DDX24: variants seen among roughly 807,000 people sequenced by gnomAD.
DDX24 encodes the protein ATP-dependent RNA helicase DDX24.
In DDX24, 24 loss-of-function variants were observed where a neutral mutation model predicts 68.9. The observed-to-expected ratio is 0.35, with a 90% CI of 0.25 to 0.49. DDX24 has a LOEUF of 0.49. Ranked by LOEUF, DDX24 falls within the 20% of genes least tolerant of loss-of-function variation. The probability of loss-of-function intolerance (pLI) is 0.99; values close to 1 mark genes in which losing one functional copy is unlikely to be tolerated. For missense variants in DDX24, 989 were observed against 1,039.0 expected (o/e 0.95, Z 0.66); for synonymous variants, 395 against 385.2 (o/e 1.03, Z -0.30).
intron 2 of DDX24, among the ~76,000 whole-genome samples, chr14:94,077,386 A>G (rs1446894508): frequency 6.6e-6 from 1 of 152,246 alleles, no homozygotes; most frequent in Non-Finnish European, 1.5e-5. Flanking sequence ...ACAACGGCTC[A>G]TATAAACCTT....
At position 94,060,253 on chromosome 14, in the gene DDX24, A is replaced by G; in HGVS notation, c.1758T>C (p.Tyr586=). Residue 586 remains tyrosine (Y), a synonymous_variant, in exon 5 of 9, where the codon TAT becomes TAC. Coordinates refer to ENST00000621632, the MANE Select transcript of DDX24 (RefSeq NM_020414.4). ...TGGCAAACACTAAGCTGCGGCCTGG[A>G]TACTGCATCAGGAAGTAGTACAAGT... ...DFYLYYFLMQ[Y]PGRSLVFANS... The G allele has an allele frequency of 6.2e-7, 1 of 1,614,212 alleles. No individual in the cohort carries two copies. The highest frequency in any genetic ancestry group is 8.5e-7 in the Non-Finnish European group (1 of 1,180,048).
At chr14:94,055,601 C>T (rs1029280149) in intron 6 of DDX24, 4 of 183,354 alleles carry the variant, frequency 2.2e-5, no homozygotes, top group Non-Finnish European at 4.6e-5. Flanking sequence ...CACCATTAAT[C>T]AAGCACAACA....
Position 94,062,432 on chromosome 14 carries a change from A to C in DDX24, c.908T>G (p.Val303Gly), listed in dbSNP as rs1171494004. Residue 303 changes from valine (V) to glycine (G), a missense_variant, in exon 3 of 9, where the codon GTA (valine) becomes GGA (glycine). Physicochemically the swap from Val to Gly is moderately radical, Grantham distance 109. Transcript: ENST00000621632. Reference protein sequence around the residue: ...AESDALPDDTVIESEALPSDI... With the variant: ...AESDALPDDTGIESEALPSDI... ...ACTGGGCAGTGCTTCACTCTCAATT[A>C]CAGTATCGTCAGGCAATGCATCAGA... 2 of 1,614,114 alleles carry C rather than the reference A, an allele frequency of 1.2e-6. No homozygotes were observed. Among genetic ancestry groups the C allele is most frequent in the East Asian group, 2.2e-5 (1 of 44,888 alleles).
Position 94,050,050 on chromosome 14 carries a change from A to G in DDX24, c.*1141T>C, listed in dbSNP as rs1033740061. Reference sequence around the variant, plus strand: ...TCAATTCCCTAGCACCCCTTGAACTAAACAGCTGTATTGTATTGTGCCCCG... The same window carrying G: ...TCAATTCCCTAGCACCCCTTGAACTGAACAGCTGTATTGTATTGTGCCCCG... On this transcript the variant is annotated 3_prime_UTR_variant, in exon 9 of 9. Coordinates refer to ENST00000621632, the MANE Select transcript of DDX24 (RefSeq NM_020414.4). The G allele has an allele frequency of 6.6e-6, 1 of 152,210 alleles. No individual in the cohort carries two copies. Among genetic ancestry groups the G allele is most frequent in the Non-Finnish European group, 1.5e-5 (1 of 68,048 alleles). 9.4% of individuals were successfully genotyped at this position (152,210 alleles called of 1,614,324 possible).
chr14:94,062,807 G>T (rs186946962), intron 2 of DDX24, among the ~76,000 whole-genome samples, 186 bp from the exon 3 acceptor site: 3 of 152,250 alleles, frequency 2.0e-5, no homozygotes, highest in African/African-American at 7.2e-5. Context: ...ATTAGAACCC[G>T]AGGAAAAGTA....
intron 6 of DDX24, chr14:94,056,091 A>G (rs1885486252): frequency 1.3e-5 from 2 of 152,158 alleles, no homozygotes; most frequent in South Asian, 2.1e-4. Context: ...CTGGGACTGT[A>G]TTTGATTCAT....
intron 2 of DDX24, among the ~76,000 whole-genome samples, chr14:94,075,583 T>C (rs566704185): frequency 2.7e-4 from 41 of 152,234 alleles, no homozygotes; most frequent in Non-Finnish European, 4.9e-4. Context: ...CTTTGTGATC[T>C]TGAATTAGGC....
At chr14:94,075,035 A>C (rs192035574) in intron 2 of DDX24, among the ~76,000 whole-genome samples, 1 of 152,346 alleles carries the variant, frequency 6.6e-6, no homozygotes, top group East Asian at 1.9e-4. Context: ...GAGAGATACC[A>C]TATTCATAGA....
At chr14:94,071,308 C>T (rs1459598435) in intron 2 of DDX24, among the ~76,000 whole-genome samples, 1 of 152,182 alleles carries the variant, frequency 6.6e-6, no homozygotes, top group Non-Finnish European at 1.5e-5. Context: ...CAATGTGATA[C>T]CACCTTACTC....
Position 94,049,519 on chromosome 14 carries a change from C to T in DDX24, c.*1672G>A, listed in dbSNP as rs1416786640. The stretch of plus-strand genomic sequence containing the variant: ...GCCCAGAAGGAAGATACTAATCCCA[C>T]CTCTGCTACTTGGCTGCTGTGTGGC... On this transcript the variant is annotated 3_prime_UTR_variant, in exon 9 of 9. Transcript: ENST00000621632. 8 of 152,176 alleles carry T rather than the reference C, an allele frequency of 5.3e-5. No homozygotes were observed. Among genetic ancestry groups the T allele is most frequent in the African/African-American group, 1.9e-4 (8 of 41,392 alleles). 9.4% of individuals were successfully genotyped at this position (152,176 alleles called of 1,614,324 possible).
chr14:94,052,846 A>T, intron 8 of DDX24, 152 bp downstream of exon 8: 2 of 1,060,258 alleles, frequency 1.9e-6, no homozygotes, highest in South Asian at 1.7e-5. Context: ...CGAGGGCAGT[A>T]GGCTCACCTG....
intron 4 of DDX24, 140 bp downstream of exon 4, chr14:94,060,773 T>C: frequency 6.8e-7 from 1 of 1,471,026 alleles, no homozygotes; most frequent in Non-Finnish European, 9.1e-7. Context: ...TCATGCACTC[T>C]TGGCTTTCTA....
rs1169808116 is a variant in DDX24 at position 94,062,376 on chromosome 14, C to T, written c.964G>A (p.Gly322Arg). ...DIAAEARAKT[G>R]GTVSDQALLF... Reference sequence around the variant, plus strand: ...AACGCCTGGTCTGAGACAGTGCCTCCAGTCTTGGCTCTGGCCTCGGCTGCA... The same window carrying T: ...AACGCCTGGTCTGAGACAGTGCCTCTAGTCTTGGCTCTGGCCTCGGCTGCA... The change falls in exon 3 of 9, where the codon GGA becomes AGA. Residue 322 changes from glycine to arginine, a missense_variant. By Grantham distance (125) the Gly-to-Arg change is moderately radical. Coordinates refer to ENST00000621632, the MANE Select transcript of DDX24 (RefSeq NM_020414.4). 6.2e-7 allele frequency: 1 copy of T among 1,614,234 alleles called. No homozygotes were observed. Among genetic ancestry groups the T allele is most frequent in the African/African-American group, 1.3e-5 (1 of 75,058 alleles).
intron 6 of DDX24, chr14:94,057,417 A>G (rs1318480582): frequency 1.2e-5 from 2 of 166,422 alleles, no homozygotes; most frequent in East Asian, 1.7e-4. Context: ...ATACATGAGA[A>G]AACTGAGATA....
At chr14:94,078,003 T>G (rs1158405165) in intron 2 of DDX24, among the ~76,000 whole-genome samples, 1 of 152,010 alleles carries the variant, frequency 6.6e-6, no homozygotes, top group Non-Finnish European at 1.5e-5. Context: ...GTTCTGCATC[T>G]GTGGATCGAC....
rs1595371742 is a variant in DDX24 at position 94,051,425 on chromosome 14, T to C, written c.2346A>G (p.Gln782=). The C allele has an allele frequency of 1.3e-6, 2 of 1,584,522 alleles. No homozygotes were observed. Among genetic ancestry groups the C allele is most frequent in the Non-Finnish European group, 1.7e-6 (2 of 1,167,636 alleles). ...CCTTCTTCAGAACCTTCATCTGCTT[T>C]TGTCTCCGACGTTCTTCTTGCTGGT... ...KADQQEERRR[Q]KQMKVLKKEL... The change falls in exon 9 of 9, where the codon CAA becomes CAG. Residue 782 remains glutamine (Q), a synonymous_variant. Transcript: ENST00000621632.
chr14:94,064,327 T>C (rs1885655488), intron 2 of DDX24, among the ~76,000 whole-genome samples: 1 of 152,246 alleles, frequency 6.6e-6, no homozygotes, highest in South Asian at 2.1e-4. Flanking sequence ...CTTAGTCCTC[T>C]GTTGCTGATA....
intron 2 of DDX24, among the ~76,000 whole-genome samples, chr14:94,070,274 A>C (rs1475835557): frequency 1.6e-4 from 25 of 152,152 alleles, no homozygotes; most frequent in Admixed American, 1.6e-3. Context: ...TGGTTGCAAA[A>C]AAAAAAAATA....
At chr14:94,053,358 CTTTTTTTTTTTTTTTTTTTT>C (rs1160011824) in intron 7 of DDX24, 1 of 119,188 alleles carries the variant, frequency 8.4e-6, no homozygotes, top group Non-Finnish European at 1.4e-5. Context: ...TAGGTAATTT[CTTTTTTTTTTTTTTTTTTTT>C]TTTTTTTTTC....
Sources: gnomAD v4.1 joint callset for allele counts (sites outside exome capture counted in the v4.1 genomes callset) on GRCh38, gnomAD v4.1.1 for gene constraint, MANE v1.5 for transcripts, NCBI Gene and HGNC (gene_info 2026-07-23, HGNC 2026-07-21) for gene names.